Variants in STRIP2 observed in about 807,000 individuals in gnomAD.
STRIP2 encodes the protein striatin-interacting protein 2.
STRIP2 carries 84 observed loss-of-function variants against 107.1 expected under a neutral mutation model. The observed-to-expected ratio is 0.78, with a 90% CI of 0.66 to 0.94. STRIP2 has a LOEUF of 0.94. Among genes scored for constraint, STRIP2 ranks in the 40% least tolerant of loss-of-function variants. The probability of loss-of-function intolerance (pLI) is 0.00; values close to 1 mark genes in which losing one functional copy is unlikely to be tolerated. For synonymous variants in STRIP2, 394 were observed against 400.4 expected (o/e 0.98, Z 0.19); for missense variants, 888 against 1,034.2 (o/e 0.86, Z 1.94).
intron 18 of STRIP2, among the ~76,000 whole-genome samples, chr7:129,473,609 A>G (rs1304868145): frequency 6.6e-6 from 1 of 152,196 alleles, no homozygotes; most frequent in African/African-American, 2.4e-5. Flanking sequence ...GGCTCAAGCA[A>G]TCTGCCCTCC....
At chr7:129,476,340 C>T (rs184988236) in intron 18 of STRIP2, among the ~76,000 whole-genome samples, 10 of 132,216 alleles carry the variant, frequency 7.6e-5, no homozygotes, top group South Asian at 2.5e-4. Context: ...ACTTCTCAGA[C>T]GGGGCGGCTG....
intron 18 of STRIP2, among the ~76,000 whole-genome samples, chr7:129,475,568 CTTTTTATTTTTT>C (rs1222982455): frequency 1.0e-5 from 1 of 99,306 alleles, no homozygotes; most frequent in South Asian, 3.7e-4. Context: ...TTTTTTTTTT[CTTTTTATTTTTT>C]TTTATTGATC....
intron 3 of STRIP2, among the ~76,000 whole-genome samples, chr7:129,446,376 A>G (rs1051523819): frequency 2.6e-5 from 4 of 152,106 alleles, no homozygotes; most frequent in African/African-American, 4.8e-5. Flanking sequence ...CAATTTTCCA[A>G]TCATGCTTCT....
chr7:129,471,831 T>C (rs1798794756), intron 18 of STRIP2, among the ~76,000 whole-genome samples: 1 of 151,942 alleles, frequency 6.6e-6, no homozygotes, highest in Non-Finnish European at 1.5e-5. Context: ...CACCCTTTTT[T>C]ACCACTGGGA....
intron 3 of STRIP2, among the ~76,000 whole-genome samples, chr7:129,448,671 A>G (rs1269280834): frequency 6.6e-6 from 1 of 152,176 alleles, no homozygotes; most frequent in Non-Finnish European, 1.5e-5. Context: ...GAGTCAGACT[A>G]TTCTGATTGC....
chr7:129,457,063 C>T (rs1040846433), intron 9 of STRIP2, among the ~76,000 whole-genome samples: 2 of 152,142 alleles, frequency 1.3e-5, no homozygotes, highest in African/African-American at 4.8e-5. Flanking sequence ...TGTCAGCCAG[C>T]CACACTCTTA....
At position 129,434,566 on chromosome 7, in the gene STRIP2, C is replaced by T. The variant is rs760332304; in HGVS notation, c.94C>T (p.Arg32Cys). 2.5e-5 allele frequency: 38 copies of T among 1,516,020 alleles called. No homozygotes were observed. The highest frequency in any genetic ancestry group is 6.1e-6 in the Non-Finnish European group (7 of 1,138,744). 93.9% of individuals were successfully genotyped at this position (1,516,020 alleles called of 1,614,324 possible). A position where few individuals can be genotyped will look rare whatever the true frequency, so the allele number is the denominator to read the frequency against. Residue 32 changes from arginine (R) to cysteine (C), a missense_variant, in exon 1 of 21, where the codon CGC (arginine) becomes TGC (cysteine). Transcript: ENST00000249344. ...AGGGAAGCAGGCGGCGCCCAAGGGC[C>T]GCGAAGCGTTCCGAAGCCAGCGGCG... ...GKGKQAAPKGREAFRSQRRES... is the reference protein window; with the variant it reads ...GKGKQAAPKGCEAFRSQRRES...
At chr7:129,478,355 C>A (rs1799026525) in intron 18 of STRIP2, among the ~76,000 whole-genome samples, 1 of 151,980 alleles carries the variant, frequency 6.6e-6, no homozygotes, top group Non-Finnish European at 1.5e-5. Flanking sequence ...ACTAAAAATA[C>A]AAAAATTAGC....
At chr7:129,478,541 C>T (rs181372787) in intron 18 of STRIP2, among the ~76,000 whole-genome samples, 130 of 152,088 alleles carry the variant, frequency 8.5e-4, no homozygotes, top group Admixed American at 3.1e-3. Context: ...TTGGCAGTAA[C>T]CTAAATGACC....
At position 129,470,321 on chromosome 7, in the gene STRIP2, T is replaced by C. The variant is rs187408717; in HGVS notation, c.1878-328T>C. Among the ~76,000 whole-genome samples, 38 of 152,328 alleles carry C rather than the reference T, an allele frequency of 2.5e-4. 1 individual carries two copies. The East Asian group carries it at 4.8e-3, about 19-fold the overall frequency. ...GGAGCAGTTATATTCACACATACAG[T>C]TAAATGCAGAAACACAAATGCACTC... is the stretch of plus-strand genomic sequence containing the variant. On this transcript the variant is annotated intron_variant, in intron 17 of 20. Transcript: ENST00000249344.
intron 18 of STRIP2, among the ~76,000 whole-genome samples, chr7:129,476,911 G>A (rs1476880991): frequency 3.3e-5 from 5 of 151,710 alleles, no homozygotes; most frequent in African/African-American, 7.3e-5. Context: ...ACGAGACTCC[G>A]TCTGCAATCC....
At chr7:129,441,889 T>A (rs573606849) in intron 2 of STRIP2, among the ~76,000 whole-genome samples, 1 of 152,236 alleles carries the variant, frequency 6.6e-6, no homozygotes. Flanking sequence ...GTGCTGGGAC[T>A]ACAGGTGTGA....
intron 19 of STRIP2, among the ~76,000 whole-genome samples, chr7:129,481,309 C>A (rs1187108707): frequency 6.6e-6 from 1 of 151,460 alleles, no homozygotes; most frequent in East Asian, 2.0e-4. Context: ...CCAGCCTGAC[C>A]AACATGGTGA....
At chr7:129,464,978 A>G (rs1798636481) in intron 16 of STRIP2, among the ~76,000 whole-genome samples, 1 of 152,052 alleles carries the variant, frequency 6.6e-6, no homozygotes, top group African/African-American at 2.4e-5. Flanking sequence ...TGTGGGTAGG[A>G]ATCTCTAGCT....
rs146319793 is a variant in STRIP2, at chr7:129,469,137, C to G, written c.1878-1512C>G. 1.3e-3 allele frequency among the ~76,000 whole-genome samples: 198 copies of G among 152,302 alleles called. 1 individual carries two copies. Among genetic ancestry groups the G allele is most frequent in the African/African-American group, 4.5e-3 (189 of 41,560 alleles). ...GGTATACAGAAATTGAATGTTCCTT[C>G]TGCACCCATGGACCTAGAATGGGAG... On this transcript the variant is annotated intron_variant, in intron 17 of 20. Transcript: ENST00000249344.
Position 129,483,103 on chromosome 7 carries a change from A to T in STRIP2, c.2254+57A>T. 6.4e-7 allele frequency: 1 copy of T among 1,573,174 alleles called. No homozygotes were observed. The highest frequency in any genetic ancestry group is 1.7e-4 in the Middle Eastern group (1 of 5,922). ...AGTTTCCTGGGGTTTAGACAAAACT[A>T]AATAAATATTTATCACTCCTCTTTT... is the stretch of plus-strand genomic sequence containing the variant. On this transcript the variant is annotated intron_variant, in intron 20 of 20. Transcript: ENST00000249344. The surrounding 1 kb of genome is among the most constrained non-coding windows in gnomAD (Gnocchi z 5.1).
Position 129,454,513 on chromosome 7 carries a change from TC to T in STRIP2, c.694del (p.Arg232AlafsTer4). The T allele has an allele frequency of 6.2e-7, 1 of 1,612,664 alleles. No individual in the cohort carries two copies. Among genetic ancestry groups the T allele is most frequent in the African/African-American group, 1.3e-5 (1 of 74,998 alleles). On this transcript the variant is annotated frameshift_variant, in exon 7 of 21. Transcript: ENST00000249344. LOFTEE classifies it high-confidence loss of function. ...GGGTGGAGAACAGCCCGGGAGACCT[TC>T]CGCACTGAATTAAGTAAGAAATGGC... ...PCGWRTARET[F>X]RTELSFSMHN...
At chr7:129,443,691 G>T (rs1797960708) in intron 2 of STRIP2, among the ~76,000 whole-genome samples, 1 of 152,202 alleles carries the variant, frequency 6.6e-6, no homozygotes. Flanking sequence ...TCCTGGTTGG[G>T]TTGACAAAGC....
chr7:129,474,997 A>G (rs929951232), intron 18 of STRIP2, among the ~76,000 whole-genome samples: 1 of 152,168 alleles, frequency 6.6e-6, no homozygotes, highest in Admixed American at 6.5e-5. Flanking sequence ...CCAATATACT[A>G]AGTAGTTTCC....
Sources: gnomAD v4.1 joint callset for allele counts (sites outside exome capture counted in the v4.1 genomes callset) on GRCh38, gnomAD v4.1.1 for gene constraint, Gnocchi (gnomAD v3.1) non-coding constraint, MANE v1.5 for transcripts, NCBI Gene and HGNC (gene_info 2026-07-23, HGNC 2026-07-21) for gene names.